The following PCDHA7 variants were observed in gnomAD, a reference collection of about 807,000 sequenced individuals.
The protein encoded by PCDHA7 is protocadherin alpha 7, also known as protocadherin alpha-7.
In PCDHA7, 37 loss-of-function variants were observed where a neutral mutation model predicts 57.2. The observed-to-expected ratio is 0.65, with a 90% CI of 0.50 to 0.85. PCDHA7 has a LOEUF of 0.85. PCDHA7 is among the 40% of genes least tolerant of loss of function. The pLI, the probability that PCDHA7 is intolerant of heterozygous loss-of-function variation, is 0.00. For synonymous variants in PCDHA7, 553 were observed against 558.8 expected (o/e 0.99, Z 0.15); for missense variants, 1,188 against 1,241.8 (o/e 0.96, Z 0.65).
intron 1 of PCDHA7, among the ~76,000 whole-genome samples, chr5:140,911,000 C>T (rs139648608): frequency 1.9e-3 from 291 of 152,218 alleles, no homozygotes; most frequent in African/African-American, 6.7e-3. Context: ...ACCCCTAGGG[C>T]CCTCCTGGGA....
At chr5:140,904,692 A>G (rs1484371560) in intron 1 of PCDHA7, among the ~76,000 whole-genome samples, 1 of 152,126 alleles carries the variant, frequency 6.6e-6, no homozygotes, top group Non-Finnish European at 1.5e-5. Context: ...GCAGTGTAAA[A>G]TTGTTCCCTT....
rs2098331172 is a variant in PCDHA7, at chr5:141,007,465, G to A, written c.2504-2162G>A. Among the ~76,000 whole-genome samples, 5 of 151,906 alleles carry A rather than the reference G, an allele frequency of 3.3e-5. No individual in the cohort carries two copies. The South Asian group carries it at 1.0e-3, about 32-fold the overall frequency. ...TGCCTGTAGTCCCAGCTACTCAGGA[G>A]GCTGAGGCACGAGAATTACTTGGAC... On this transcript the variant is annotated intron_variant, in intron 3 of 3. Transcript: ENST00000525929.
At chr5:140,929,414 A>T (rs1174756115) in intron 1 of PCDHA7, 15 of 1,504,422 alleles carry the variant, frequency 1.0e-5, no homozygotes, top group Non-Finnish European at 1.3e-5. Context: ...GCCTTTCACA[A>T]CATTTCATCA....
At chr5:140,951,311 T>G (rs1240303466) in intron 1 of PCDHA7, among the ~76,000 whole-genome samples, 4 of 152,224 alleles carry the variant, frequency 2.6e-5, no homozygotes, top group African/African-American at 9.6e-5. Context: ...ATTAATGTGT[T>G]ATTCTTGAGA....
intron 1 of PCDHA7, among the ~76,000 whole-genome samples, chr5:140,898,193 A>G (rs1352716396): frequency 1.7e-4 from 26 of 152,114 alleles, no homozygotes; most frequent in African/African-American, 5.3e-4. Flanking sequence ...CTTTAGTTTA[A>G]TTAGATCCCA....
At chr5:140,858,132 A>G (rs781998170) in intron 1 of PCDHA7, 3 of 1,597,528 alleles carry the variant, frequency 1.9e-6, no homozygotes, top group Non-Finnish European at 2.6e-6. Context: ...GTGGATGTCA[A>G]CGTGTACCTG....
intron 1 of PCDHA7, chr5:140,842,451 T>A: frequency 6.2e-7 from 1 of 1,613,846 alleles, no homozygotes; most frequent in South Asian, 1.1e-5. Context: ...GTGAACGACC[T>A]CGATTCAGGT....
chr5:140,981,726 T>C (rs1554243283), intron 2 of PCDHA7, among the ~76,000 whole-genome samples: 1 of 151,710 alleles, frequency 6.6e-6, no homozygotes, highest in Non-Finnish European at 1.5e-5. Context: ...CCAACAAATA[T>C]TTGAGAGATT....
intron 1 of PCDHA7, chr5:140,867,240 G>C (rs538392641): frequency 6.6e-6 from 1 of 152,186 alleles, no homozygotes; most frequent in African/African-American, 2.4e-5. Context: ...TAAGGTGATT[G>C]AGGATCTGTT....
intron 1 of PCDHA7, chr5:140,884,715 AGTT>A: frequency 6.8e-7 from 1 of 1,470,936 alleles, no homozygotes; most frequent in Non-Finnish European, 9.0e-7. Context: ...CCTTCCTTGC[AGTT>A]GTTTGTTTAA....
At chr5:140,943,405 A>G (rs1030211474) in intron 1 of PCDHA7, among the ~76,000 whole-genome samples, 2 of 152,164 alleles carry the variant, frequency 1.3e-5, no homozygotes, top group Non-Finnish European at 2.9e-5. Flanking sequence ...ATTTAAATTC[A>G]GACTAGAGGC....
intron 1 of PCDHA7, among the ~76,000 whole-genome samples, chr5:140,940,317 A>G (rs782009825): frequency 1.5e-4 from 23 of 152,024 alleles, no homozygotes; most frequent in Non-Finnish European, 2.2e-4. Context: ...CTTTCTTCCA[A>G]TTTTACTAAT....
intron 1 of PCDHA7, among the ~76,000 whole-genome samples, chr5:140,898,172 G>A (rs1262400829): frequency 2.6e-5 from 4 of 152,162 alleles, no homozygotes; most frequent in African/African-American, 9.7e-5. Context: ...TTCTTTTGCT[G>A]TGCAGAAGCT....
intron 1 of PCDHA7, among the ~76,000 whole-genome samples, chr5:140,893,358 C>A (rs1385049897): frequency 2.0e-5 from 3 of 152,134 alleles, no homozygotes; most frequent in Admixed American, 6.5e-5. Context: ...AATTTACATG[C>A]CCACCAACAG....
intron 1 of PCDHA7, chr5:140,861,648 T>C (rs1380826146): frequency 1.0e-5 from 3 of 287,022 alleles, no homozygotes; most frequent in African/African-American, 6.6e-5. Context: ...AAAGAATCTG[T>C]TTCTGAAACG....
chr5:140,863,613 C>T, intron 1 of PCDHA7: 2 of 338,450 alleles, frequency 5.9e-6, no homozygotes, highest in South Asian at 4.9e-5. Flanking sequence ...TAATGTCCCT[C>T]ATAGTGACAT....
intron 1 of PCDHA7, among the ~76,000 whole-genome samples, chr5:140,958,893 A>G (rs1332305633): frequency 2.6e-5 from 4 of 152,002 alleles, no homozygotes; most frequent in African/African-American, 9.7e-5. Flanking sequence ...TAGCTATATA[A>G]TAGATACAGA....
chr5:140,967,985 A>C, intron 1 of PCDHA7: 1 of 1,614,218 alleles, frequency 6.2e-7, no homozygotes, highest in Non-Finnish European at 8.5e-7. Context: ...TCTGGAGGCC[A>C]CACTGCCTTT....
intron 1 of PCDHA7, chr5:140,869,906 A>G: frequency 6.2e-7 from 1 of 1,610,936 alleles, no homozygotes; most frequent in Non-Finnish European, 8.5e-7. Context: ...AACGCCACAG[A>G]CCGAGACGAA....
Sources: gnomAD v4.1 joint callset for allele counts (sites outside exome capture counted in the v4.1 genomes callset) on GRCh38, gnomAD v4.1.1 for gene constraint, MANE v1.5 for transcripts, NCBI Gene and HGNC (gene_info 2026-07-23, HGNC 2026-07-21) for gene names.